The following MAST3 variants were observed in gnomAD, a reference collection of about 807,000 sequenced individuals.
MAST3 encodes the protein microtubule-associated serine/threonine-protein kinase 3.
MAST3 carries 43 observed loss-of-function variants against 127.0 expected under a neutral mutation model. That is an observed-to-expected ratio of 0.34 (90% CI 0.27 to 0.44). The LOEUF is 0.44. Ranked by LOEUF, MAST3 falls within the 20% of genes least tolerant of loss-of-function variation. MAST3 has a pLI of 1.00. For synonymous variants in MAST3, 785 were observed against 809.2 expected (o/e 0.97, Z 0.51); for missense variants, 1,390 against 1,919.1 (o/e 0.72, Z 5.15).
chr19:18,099,281 C>A (rs2037335231), intron 1 of MAST3, among the ~76,000 whole-genome samples: 1 of 133,822 alleles, frequency 7.5e-6, no homozygotes, highest in Non-Finnish European at 1.6e-5. Context: ...GGGGGTGGGG[C>A]AGAACTGGAG....
chr19:18,147,051 A>T lies in MAST3; in HGVS notation c.3326+7A>T. ...CAGTGACCACCAGGGAGCGGTACAC[A>T]GGGGGCGGGGCCACGGGGACTGGGG... On this transcript the variant is annotated splice_region_variant and intron_variant, in intron 26 of 27. Transcript: ENST00000687212. The T allele has an allele frequency of 6.5e-7, 1 of 1,538,662 alleles. No homozygotes were observed. The highest frequency in any genetic ancestry group is 2.1e-5 in the Admixed American group (1 of 48,292).
rs1253169356 is a variant in MAST3, at chr19:18,149,226, T to A, written c.3544T>A (p.Ser1182Thr). Residue 1182 changes from serine (S) to threonine (T), a missense_variant, in exon 28 of 28, where the codon TCC (serine) becomes ACC (threonine). Ser to Thr is a moderately conservative substitution (Grantham distance 58, BLOSUM62 1). Coordinates refer to ENST00000687212, the MANE Select transcript of MAST3 (RefSeq NM_001393504.1). This position sits in a 1 kb window ranked among gnomAD's most constrained non-coding sequence, Gnocchi z 5.9. The stretch of plus-strand genomic sequence containing the variant: ...ATCCCCACCCAGCGCATCCCCGAGC[T>A]CCAGCAGCCCCGCCTCCCCAGCTGC... ...TASPPSASPS[S>T]SSPASPAAAG... 6.5e-7 allele frequency: 1 copy of A among 1,550,178 alleles called. No homozygotes were observed. Among genetic ancestry groups the A allele is most frequent in the Non-Finnish European group, 8.7e-7 (1 of 1,151,348 alleles).
chr19:18,139,208 CT>C, intron 20 of MAST3, 84 bp downstream of exon 20: 1 of 1,122,482 alleles, frequency 8.9e-7, no homozygotes, highest in East Asian at 2.6e-5. Context: ...TTTGATTTTG[CT>C]TTGTTTTGTT....
chr19:18,114,380 G>C (rs1245877947), intron 3 of MAST3, among the ~76,000 whole-genome samples: 1 of 151,922 alleles, frequency 6.6e-6, no homozygotes, highest in Non-Finnish European at 1.5e-5. Flanking sequence ...GTAGAGACAG[G>C]GTTTCACCAT....
intron 3 of MAST3, among the ~76,000 whole-genome samples, chr19:18,114,547 C>T (rs2039004354): frequency 6.6e-6 from 1 of 152,100 alleles, no homozygotes; most frequent in Non-Finnish European, 1.5e-5. Flanking sequence ...TTTTTCTCAC[C>T]CAGAGGTTTG....
chr19:18,143,955 T>G lies in MAST3; in HGVS notation c.2532T>G (p.Pro844=), dbSNP rs1160723395. The G allele has an allele frequency of 1.2e-6, 2 of 1,604,368 alleles. No individual in the cohort carries two copies. The highest frequency in any genetic ancestry group is 3.4e-5 in the Admixed American group (2 of 58,168). ...PKRPVFILGE[P]DPPPAATPVM... ...GGCCCGTCTTCATTCTAGGGGAGCC[T>G]GACCCCCCACCAGCGGCCACCCCAG... Residue 844 remains proline (P), a synonymous_variant, in exon 22 of 28, where the codon CCT becomes CCG. Transcript: ENST00000687212.
intron 27 of MAST3, among the ~76,000 whole-genome samples, chr19:18,148,901 G>A (rs1369111841): frequency 6.8e-6 from 1 of 147,678 alleles, no homozygotes; most frequent in South Asian, 2.2e-4. Context: ...AGACTCTATT[G>A]AAAAAAAAAA....
intron 19 of MAST3, among the ~76,000 whole-genome samples, chr19:18,138,191 C>G (rs1381238302): frequency 1.6e-5 from 2 of 126,944 alleles, no homozygotes; most frequent in African/African-American, 5.9e-5. Context: ...GCTTGCGCAA[C>G]AAGAGCAAAA....
chr19:18,120,570 C>T (rs1014823201), intron 3 of MAST3, among the ~76,000 whole-genome samples: 4 of 152,152 alleles, frequency 2.6e-5, no homozygotes, highest in Admixed American at 6.6e-5. Context: ...AAGTTTCACT[C>T]GTGTCGCCCA....
chr19:18,124,443 C>T (rs1568572055), intron 10 of MAST3, 77 bp downstream of exon 10: 3 of 1,423,548 alleles, frequency 2.1e-6, no homozygotes, highest in South Asian at 1.2e-5. Flanking sequence ...TGCCAAGATA[C>T]AGGTGACAGT....
intron 1 of MAST3, chr19:18,098,833 C>T (rs2037275438): frequency 2.2e-6 from 1 of 456,114 alleles, no homozygotes; most frequent in Non-Finnish European, 4.4e-6. Context: ...TCTGGAGCTG[C>T]CCTCCTAGAA....
intron 3 of MAST3, among the ~76,000 whole-genome samples, chr19:18,111,529 A>ATTTTTTT (rs2038620596): frequency 2.4e-5 from 2 of 83,724 alleles, no homozygotes; most frequent in African/African-American, 1.3e-4. Context: ...CTTTCCACAG[A>ATTTTTTT]CTTTTTTTTT....
chr19:18,149,337 A>G lies in MAST3; in HGVS notation c.3655A>G (p.Thr1219Ala). 6.6e-7 allele frequency: 1 copy of G among 1,522,890 alleles called. No individual in the cohort carries two copies. The highest frequency in any genetic ancestry group is 2.7e-5 in the East Asian group (1 of 37,388). 94.3% of individuals were successfully genotyped at this position (1,522,890 alleles called of 1,614,324 possible). ...CCCCAAGACTGGCCGCCGCAAGTCCACCAGCAGCATCCCGCCCTCCCCGCT... is the reference window on the plus strand; with the variant it reads ...CCCCAAGACTGGCCGCCGCAAGTCCGCCAGCAGCATCCCGCCCTCCCCGCT... ...PRPKTGRRKS[T>A]SSIPPSPLAC... The change falls in exon 28 of 28, where the codon ACC becomes GCC. Residue 1219 changes from threonine (T) to alanine (A), a missense_variant. Physicochemically the swap from Thr to Ala is moderately conservative, Grantham distance 58 (BLOSUM62 0). Transcript: ENST00000687212. This position sits in a 1 kb window ranked among gnomAD's most constrained non-coding sequence, Gnocchi z 5.9.
At chr19:18,132,126 G>GT in intron 15 of MAST3, 79 bp downstream of exon 15, 3 of 1,566,074 alleles carry the variant, frequency 1.9e-6, no homozygotes, top group Non-Finnish European at 2.6e-6. Context: ...AGAGGATCAG[G>GT]GCAGAGCCTC....
At chr19:18,103,807 A>G (rs911034342) in intron 1 of MAST3, among the ~76,000 whole-genome samples, 1 of 152,142 alleles carries the variant, frequency 6.6e-6, no homozygotes, top group Admixed American at 6.5e-5. Flanking sequence ...CTGGGAACCT[A>G]GGACTGTCAG....
chr19:18,148,167 G>A (rs1283048652), intron 27 of MAST3, among the ~76,000 whole-genome samples: 1 of 152,126 alleles, frequency 6.6e-6, no homozygotes, highest in Non-Finnish European at 1.5e-5. Flanking sequence ...CAGGTGTGGT[G>A]GCACATGCCT....
Position 18,121,702 on chromosome 19 carries a change from G to A in MAST3, c.179G>A (p.Arg60His), listed in dbSNP as rs775889929. The change falls in exon 4 of 28, where the codon CGC becomes CAC. Residue 60 changes from arginine (R) to histidine (H), a missense_variant. Arg to His is a conservative substitution (Grantham distance 29). Coordinates refer to ENST00000687212, the MANE Select transcript of MAST3 (RefSeq NM_001393504.1). ...LHPWSCRSGN[R>H]KSLVVGTPSP... ...CCCCACAGCTGCCGCAGCGGGAACC[G>A]CAAGAGCTTGGTGGTAGGAACGCCC... 14 of 1,613,732 alleles carry A rather than the reference G, an allele frequency of 8.7e-6. No homozygotes were observed. Among genetic ancestry groups the A allele is most frequent in the East Asian group, 4.5e-5 (2 of 44,890 alleles).
At chr19:18,126,759 AC>A (rs2040676361) in intron 11 of MAST3, among the ~76,000 whole-genome samples, 2 of 151,696 alleles carry the variant, frequency 1.3e-5, no homozygotes, top group South Asian at 4.2e-4. Flanking sequence ...ACATAGCAAG[AC>A]CCCATCTCTA....
intron 19 of MAST3, among the ~76,000 whole-genome samples, chr19:18,137,933 A>C (rs1049946926): frequency 3.3e-5 from 5 of 152,174 alleles, no homozygotes; most frequent in African/African-American, 1.2e-4. Flanking sequence ...GGCCAGGCGC[A>C]GTGGCTCAAG....
Sources: gnomAD v4.1 joint callset for allele counts (sites outside exome capture counted in the v4.1 genomes callset) on GRCh38, gnomAD v4.1.1 for gene constraint, Gnocchi (gnomAD v3.1) non-coding constraint, MANE v1.5 for transcripts, NCBI Gene and HGNC (gene_info 2026-07-23, HGNC 2026-07-21) for gene names.